TMEM69: variants seen among roughly 807,000 people sequenced by gnomAD.
TMEM69 encodes chromosome 1 open reading frame 154.
TMEM69 carries 17 observed loss-of-function variants against 15.8 expected under a neutral mutation model. That is an observed-to-expected ratio of 1.07 (90% CI 0.73 to 1.61). TMEM69 has a LOEUF of 1.61. TMEM69 is among the 40% of genes most tolerant of loss of function. The probability of loss-of-function intolerance (pLI) is 0.00; values close to 1 mark genes in which losing one functional copy is unlikely to be tolerated. For synonymous variants in TMEM69, 80 were observed against 98.6 expected (o/e 0.81, Z 1.12); for missense variants, 230 against 286.1 (o/e 0.80, Z 1.41).
chr1:45,692,987 G>A (rs1347635757), intron 2 of TMEM69, among the ~76,000 whole-genome samples: 1 of 152,066 alleles, frequency 6.6e-6, no homozygotes, highest in African/African-American at 2.4e-5. Flanking sequence ...GGTTTCTTTT[G>A]TACATTGTAT....
intron 2 of TMEM69, among the ~76,000 whole-genome samples, chr1:45,692,378 T>C (rs1298740573): frequency 6.6e-6 from 1 of 152,148 alleles, no homozygotes; most frequent in Non-Finnish European, 1.5e-5. Context: ...ATAACTTCAA[T>C]TTTTTCTTTA....
At chr1:45,692,627 G>A (rs187164624) in intron 2 of TMEM69, among the ~76,000 whole-genome samples, 11 of 150,194 alleles carry the variant, frequency 7.3e-5, no homozygotes, top group East Asian at 1.9e-4. Context: ...AAATCAGACC[G>A]TAGAAGGGTA....
chr1:45,694,132 A>C lies in TMEM69; in HGVS notation c.*227A>C. 1 of 370,476 alleles carries C rather than the reference A, an allele frequency of 2.7e-6. No homozygotes were observed. The highest frequency in any genetic ancestry group is 5.3e-5 in the South Asian group (1 of 18,914). 22.9% of individuals were successfully genotyped at this position (370,476 alleles called of 1,614,324 possible). On this transcript the variant is annotated 3_prime_UTR_variant, in exon 3 of 3. Coordinates refer to ENST00000372025, the MANE Select transcript of TMEM69 (RefSeq NM_016486.4). ...CATTAAAGTTTACTTTTTAGTTAAA[A>C]GTTTTAAAAATATATATATATAAAT...
chr1:45,690,296 G>C (rs1185735079), intron 1 of TMEM69, among the ~76,000 whole-genome samples: 2 of 152,210 alleles, frequency 1.3e-5, no homozygotes, highest in Non-Finnish European at 2.9e-5. Flanking sequence ...GAGGTCAGGA[G>C]TTCAGGACCA....
At position 45,691,043 on chromosome 1, in the gene TMEM69, G is replaced by A; in HGVS notation, c.-26G>A. 6.2e-7 allele frequency: 1 copy of A among 1,614,078 alleles called. No homozygotes were observed. Among genetic ancestry groups the A allele is most frequent in the Middle Eastern group, 1.7e-4 (1 of 6,038 alleles). ...AATCAGAACTACCTGGCATCTTCCTGAACAAGACTTTCAATAGGGGCCAGT... is the reference window on the plus strand; with the variant it reads ...AATCAGAACTACCTGGCATCTTCCTAAACAAGACTTTCAATAGGGGCCAGT... On this transcript the variant is annotated 5_prime_UTR_variant, in exon 2 of 3. Coordinates refer to ENST00000372025, the MANE Select transcript of TMEM69 (RefSeq NM_016486.4).
rs1426378733 is a variant in TMEM69 at position 45,694,048 on chromosome 1, G to A, written c.*143G>A. The A allele has an allele frequency of 1.1e-5, 6 of 552,044 alleles. No homozygotes were observed. The East Asian group carries it at 1.2e-4, about 11-fold the overall frequency. The allele number at this position is 552,044 out of a possible 1,614,324, so 34.2% of individuals were successfully genotyped here. ...GCCCGGCCGCTGTGCAACCTTCCACGTGTGAAGTGACAGCCTTGTGTGTGA... is the reference window on the plus strand; with the variant it reads ...GCCCGGCCGCTGTGCAACCTTCCACATGTGAAGTGACAGCCTTGTGTGTGA... On this transcript the variant is annotated 3_prime_UTR_variant, in exon 3 of 3. Coordinates refer to ENST00000372025, the MANE Select transcript of TMEM69 (RefSeq NM_016486.4).
chr1:45,691,132 T>G (rs1645342382), intron 2 of TMEM69, 22 bp downstream of exon 2: 1 of 1,612,968 alleles, frequency 6.2e-7, no homozygotes, highest in African/African-American at 1.3e-5. Flanking sequence ...CAGCAGATAT[T>G]TGAGCACTAT....
chr1:45,688,555 C>T (rs1051212100), intron 1 of TMEM69, among the ~76,000 whole-genome samples: 10 of 152,130 alleles, frequency 6.6e-5, no homozygotes, highest in African/African-American at 2.4e-4. Flanking sequence ...CACCTGCCGT[C>T]CCTGGACTTT....
intron 1 of TMEM69, among the ~76,000 whole-genome samples, chr1:45,690,548 A>G (rs1367558675): frequency 6.6e-6 from 1 of 152,204 alleles, no homozygotes; most frequent in Non-Finnish European, 1.5e-5. Context: ...ATTGGTTGGT[A>G]CTATCGTTAT....
chr1:45,691,150 A>T, intron 2 of TMEM69, 40 bp downstream of exon 2: 1 of 1,593,630 alleles, frequency 6.3e-7, no homozygotes, highest in Non-Finnish European at 8.6e-7. Context: ...TATTTGCCAA[A>T]TATTGCTTGG....
intron 2 of TMEM69, among the ~76,000 whole-genome samples, chr1:45,692,689 G>A (rs966451438): frequency 1.3e-5 from 2 of 152,336 alleles, no homozygotes; most frequent in South Asian, 2.1e-4. Context: ...TCCTAGATAG[G>A]AAAGTAGTAA....
Position 45,693,636 on chromosome 1 carries a change from T to A in TMEM69, c.475T>A (p.Tyr159Asn), listed in dbSNP as rs200303361. ...LPEGSPAKPD[Y>N]LNLASSAAPL... The stretch of plus-strand genomic sequence containing the variant: ...AGAAGGTAGTCCAGCCAAACCAGAC[T>A]ACCTTAATTTAGCTAGCAGTGCAGC... The change falls in exon 3 of 3, where the codon TAC (tyrosine) becomes AAC (asparagine). Residue 159 changes from tyrosine (Y) to asparagine (N), a missense_variant. Tyr to Asn is a moderately radical substitution (Grantham distance 143, BLOSUM62 -2). Transcript: ENST00000372025. 8 of 1,614,110 alleles carry A rather than the reference T, an allele frequency of 5.0e-6. No individual in the cohort carries two copies. The highest frequency in any genetic ancestry group is 1.7e-5 in the Admixed American group (1 of 60,008).
Position 45,693,568 on chromosome 1 carries a change from T to G in TMEM69, c.407T>G (p.Phe136Cys), listed in dbSNP as rs988423579. The G allele has an allele frequency of 6.2e-7, 1 of 1,614,236 alleles. No homozygotes were observed. The highest frequency in any genetic ancestry group is 1.3e-5 in the African/African-American group (1 of 75,058). Reference sequence around the variant, plus strand: ...ACTCAGATGGCTTATGGAGCCAGTTTCCTATCTTTCTTGGGTGGGATCAGA... The same window carrying G: ...ACTCAGATGGCTTATGGAGCCAGTTGCCTATCTTTCTTGGGTGGGATCAGA... ...AFTQMAYGAS[F>C]LSFLGGIRWG... The change falls in exon 3 of 3, where the codon TTC becomes TGC. Residue 136 changes from phenylalanine (F) to cysteine (C), a missense_variant. Transcript: ENST00000372025.
chr1:45,693,501 G>T lies in TMEM69; in HGVS notation c.340G>T (p.Val114Phe), dbSNP rs374619961. ...GLIPFVAPPL[V>F]MLMTKTYIPI... is the part of the protein sequence containing the mutation. Reference sequence around the variant, plus strand: ...AATCCCCTTCGTTGCTCCACCACTGGTCATGCTGATGACAAAAACTTATAT... The same window carrying T: ...AATCCCCTTCGTTGCTCCACCACTGTTCATGCTGATGACAAAAACTTATAT... Residue 114 changes from valine (V) to phenylalanine (F), a missense_variant, in exon 3 of 3, where the codon GTC (valine) becomes TTC (phenylalanine). Val to Phe is a conservative substitution (Grantham distance 50, BLOSUM62 -1). Transcript: ENST00000372025. 8 of 1,614,162 alleles carry T rather than the reference G, an allele frequency of 5.0e-6. No homozygotes were observed. Among genetic ancestry groups the T allele is most frequent in the Admixed American group, 1.7e-5 (1 of 60,014 alleles).
In TMEM69 at chr1:45,690,996, C is replaced by G. The variant is rs940574142; in HGVS notation, c.-73C>G. 16 of 1,551,732 alleles carry G rather than the reference C, an allele frequency of 1.0e-5. No homozygotes were observed. Among genetic ancestry groups the G allele is most frequent in the Admixed American group, 1.7e-5 (1 of 59,652 alleles). ...CAGAAACATGCCCCTGATTCAGTGC[C>G]TCTGCTTAGCTGTAACATGTTAATC... is the stretch of plus-strand genomic sequence containing the variant. On this transcript the variant is annotated 5_prime_UTR_variant, in exon 2 of 3. Transcript: ENST00000372025.
chr1:45,694,339 A>G lies in TMEM69; in HGVS notation c.*434A>G, dbSNP rs1019232161. 1 of 769,782 alleles carries G rather than the reference A, an allele frequency of 1.3e-6. No individual in the cohort carries two copies. Among genetic ancestry groups the G allele is most frequent in the Admixed American group, 2.2e-5 (1 of 45,054 alleles). The allele number at this position is 769,782 out of a possible 1,614,324, so 47.7% of individuals were successfully genotyped here. ...TGACAAGTACTTTTCATCTCATAGT[A>G]TATTAGTTTTCACTCAGTCATTTTA... On this transcript the variant is annotated 3_prime_UTR_variant, in exon 3 of 3. Transcript: ENST00000372025.
rs774062687 is a variant in TMEM69 at position 45,691,067 on chromosome 1, G to T, written c.-2G>T. 6.2e-7 allele frequency: 1 copy of T among 1,614,058 alleles called. No individual in the cohort carries two copies. On this transcript the variant is annotated 5_prime_UTR_variant, in exon 2 of 3. Coordinates refer to ENST00000372025, the MANE Select transcript of TMEM69 (RefSeq NM_016486.4). Reference sequence around the variant, plus strand: ...TGAACAAGACTTTCAATAGGGGCCAGTATGCTTCGCTTCATCCAGAAGTTT... The same window carrying T: ...TGAACAAGACTTTCAATAGGGGCCATTATGCTTCGCTTCATCCAGAAGTTT...
intron 2 of TMEM69, 23 bp from the exon 3 acceptor site, chr1:45,693,181 T>A: frequency 6.6e-7 from 1 of 1,518,748 alleles, no homozygotes; most frequent in Non-Finnish European, 8.9e-7. Flanking sequence ...TAATTTTGTC[T>A]TTTGGTTCTA....
Position 45,693,791 on chromosome 1 carries a change from G to GT in TMEM69, c.633dup (p.Lys212Ter). On this transcript the variant is annotated frameshift_variant, in exon 3 of 3. Transcript: ENST00000372025. LOFTEE classifies it high-confidence loss of function. ...TTCTCTTACCACATTATCCCAACTGGTTTAAAGCCCTGAGGATAGTAGTCA... is the reference window on the plus strand; with the variant it reads ...TTCTCTTACCACATTATCCCAACTGGTTTTAAAGCCCTGAGGATAGTAGTCA... 1.2e-6 allele frequency: 2 copies of GT among 1,614,134 alleles called. No individual in the cohort carries two copies. The highest frequency in any genetic ancestry group is 1.7e-6 in the Non-Finnish European group (2 of 1,180,028).
Sources: gnomAD v4.1 joint callset for allele counts (sites outside exome capture counted in the v4.1 genomes callset) on GRCh38, gnomAD v4.1.1 for gene constraint, MANE v1.5 for transcripts, NCBI Gene and HGNC (gene_info 2026-07-23, HGNC 2026-07-21) for gene names.